BFSP1: variants seen among roughly 807,000 people sequenced by gnomAD.
BFSP1 encodes the protein filensin.
BFSP1 carries 38 observed loss-of-function variants against 43.9 expected under a neutral mutation model. The ratio of observed to expected loss-of-function variants is 0.87; its 90% confidence interval spans 0.67 to 1.14. The LOEUF (loss-of-function observed/expected upper bound fraction) is 1.14. BFSP1 is among the 50% of genes most tolerant of loss of function. BFSP1 has a pLI of 0.00. For missense variants in BFSP1, 850 were observed against 875.1 expected, an observed-to-expected ratio of 0.97 and a Z score of 0.36; for synonymous variants, 352 against 354.8, an observed-to-expected ratio of 0.99 and a Z score of 0.09.
At chr20:17,531,792 T>A (rs993266614), upstream of BFSP1, among the ~76,000 whole-genome samples, 1 of 148,442 alleles carries the variant, frequency 6.7e-6, no homozygotes, top group Non-Finnish European at 1.5e-5. Context: ...AACAATGCCA[T>A]TTTTTTTTTC....
chr20:17,499,407 T>TC (rs2033739864), intron 5 of BFSP1, among the ~76,000 whole-genome samples: 1 of 144,102 alleles, frequency 6.9e-6, no homozygotes, highest in African/African-American at 2.6e-5. Context: ...GCTGGGCTTT[T>TC]TTTTTTTTTT....
chr20:17,498,224 C>A (rs11905530), intron 6 of BFSP1, among the ~76,000 whole-genome samples: 1 of 152,030 alleles, frequency 6.6e-6, no homozygotes, highest in South Asian at 2.1e-4. Flanking sequence ...TGGAAATCAC[C>A]GTAGCTATGA....
At position 17,514,868 on chromosome 20, in the gene BFSP1, T is replaced by C. The variant is rs1282898849; in HGVS notation, c.439-52A>G. ...CCACAGGCACCATGGAGCATAGGGG[T>C]AAAGCTGGCCGGGTATATGAGCACA... On this transcript the variant is annotated intron_variant, in intron 2 of 7. Coordinates refer to ENST00000377873, the MANE Select transcript of BFSP1 (RefSeq NM_001195.5). The C allele has an allele frequency of 2.6e-6, 4 of 1,549,646 alleles. No individual in the cohort carries two copies. The East Asian group carries it at 9.0e-5, about 35-fold the overall frequency.
chr20:17,548,455 T>C (rs1323482798), intron 1 of BFSP1, among the ~76,000 whole-genome samples: 1 of 152,218 alleles, frequency 6.6e-6, no homozygotes, highest in Non-Finnish European at 1.5e-5. Flanking sequence ...TTCAGACTTG[T>C]TAAAGCCTCA....
At position 17,508,981 on chromosome 20, in the gene BFSP1, C is replaced by G. The variant is rs772654258; in HGVS notation, c.643G>C (p.Glu215Gln). Reference sequence around the variant, plus strand: ...CTCCGCAGGGCGGCCACCTCCCGCTCCGTCAGGAGCTTCTCCTGCACAGAG... The same window carrying G: ...CTCCGCAGGGCGGCCACCTCCCGCTGCGTCAGGAGCTTCTCCTGCACAGAG... ...SGMREEKLLT[E>Q]REVAALRSQL... Residue 215 changes from glutamate to glutamine, a missense_variant, in exon 5 of 8, where the codon GAG (glutamate) becomes CAG (glutamine). Glu to Gln is a conservative substitution (Grantham distance 29). Transcript: ENST00000377873. The G allele has an allele frequency of 1.5e-5, 24 of 1,587,894 alleles. No individual in the cohort carries two copies. Among genetic ancestry groups the G allele is most frequent in the Non-Finnish European group, 1.9e-5 (22 of 1,168,504 alleles).
chr20:17,556,224 C>T (rs6034850), intron 1 of BFSP1, among the ~76,000 whole-genome samples: 81,886 of 151,990 alleles, frequency 0.54, 22,654 homozygotes, highest in African/African-American at 0.68. Context: ...AATCATCAGC[C>T]GGGTGCAGTG....
chr20:17,536,322 G>C (rs192500862), upstream of BFSP1, among the ~76,000 whole-genome samples: 1 of 152,106 alleles, frequency 6.6e-6, no homozygotes, highest in South Asian at 2.1e-4. Context: ...AGGCCAAGGC[G>C]GGTGGACTGC....
intron 6 of BFSP1, among the ~76,000 whole-genome samples, chr20:17,498,545 G>A (rs1355803797): frequency 6.6e-6 from 1 of 152,154 alleles, no homozygotes; most frequent in Non-Finnish European, 1.5e-5. Flanking sequence ...TCTCAGTGAG[G>A]CCTTTTCTGA....
At chr20:17,508,438 G>A (rs906249395) in intron 5 of BFSP1, among the ~76,000 whole-genome samples, 6 of 152,206 alleles carry the variant, frequency 3.9e-5, no homozygotes, top group African/African-American at 7.2e-5. Flanking sequence ...ATCAAATTCC[G>A]AAGGAGAACT....
intron 5 of BFSP1, among the ~76,000 whole-genome samples, chr20:17,505,094 C>T (rs569377535): frequency 2.6e-5 from 4 of 152,354 alleles, no homozygotes; most frequent in South Asian, 4.1e-4. Flanking sequence ...GTCACAGAAA[C>T]TCTCAGTCCA....
chr20:17,513,487 C>T (rs1349162381), intron 3 of BFSP1, among the ~76,000 whole-genome samples: 3 of 152,286 alleles, frequency 2.0e-5, no homozygotes, highest in South Asian at 2.1e-4. Context: ...AGGATTCCAT[C>T]AAGTAGGGTA....
intron 2 of BFSP1, chr20:17,516,998 T>C (rs116007772): frequency 0.011 from 8,193 of 765,540 alleles, 68 homozygotes; most frequent in African/African-American, 0.018. Flanking sequence ...AACTGGAGGA[T>C]GGATGTGCTT....
intron 1 of BFSP1, among the ~76,000 whole-genome samples, chr20:17,556,759 A>C (rs2034997561): frequency 6.6e-6 from 1 of 152,096 alleles, no homozygotes; most frequent in Non-Finnish European, 1.5e-5. Context: ...TATATAATTA[A>C]ATTTTTTAAA....
intron 1 of BFSP1, chr20:17,558,545 T>C: frequency 1.2e-6 from 1 of 855,394 alleles, no homozygotes; most frequent in Non-Finnish European, 1.8e-6. Flanking sequence ...TTTATCATTT[T>C]AGAAATTTCC....
intron 5 of BFSP1, among the ~76,000 whole-genome samples, chr20:17,503,884 C>A (rs908667892): frequency 5.3e-5 from 8 of 152,152 alleles, no homozygotes; most frequent in African/African-American, 1.9e-4. Flanking sequence ...TTTCACTTAG[C>A]AAAGTTTTAA....
At chr20:17,531,652 TC>T (rs2034544525), upstream of BFSP1, among the ~76,000 whole-genome samples, 1 of 152,218 alleles carries the variant, frequency 6.6e-6, no homozygotes, top group African/African-American at 2.4e-5. Flanking sequence ...GCCATGACGC[TC>T]TTTTCACTGG....
intron 5 of BFSP1, among the ~76,000 whole-genome samples, chr20:17,502,327 T>C (rs537652769): frequency 1.3e-5 from 2 of 152,320 alleles, no homozygotes; most frequent in East Asian, 3.9e-4. Flanking sequence ...TTGCCAAGAA[T>C]GCAGAACCTC....
intron 1 of BFSP1, among the ~76,000 whole-genome samples, chr20:17,530,314 C>CT (rs2034506767): frequency 6.6e-6 from 1 of 152,222 alleles, no homozygotes. Context: ...AGTTCGCCAG[C>CT]TGAGGGGCCT....
intron 5 of BFSP1, among the ~76,000 whole-genome samples, chr20:17,500,175 G>C (rs1600634631): frequency 1.3e-5 from 2 of 152,342 alleles, no homozygotes; most frequent in Admixed American, 1.3e-4. Flanking sequence ...TAGCTAAGGT[G>C]TATGTGTGTG....
Sources: gnomAD v4.1 joint callset for allele counts (sites outside exome capture counted in the v4.1 genomes callset) on GRCh38, gnomAD v4.1.1 for gene constraint, MANE v1.5 for transcripts, NCBI Gene and HGNC (gene_info 2026-07-23, HGNC 2026-07-21) for gene names.